The following WDR1 variants were observed in gnomAD, a reference collection of about 807,000 sequenced individuals.
WDR1 encodes WD repeat-containing protein 1.
Under a neutral mutation model 71.9 loss-of-function variants are expected in WDR1, and 21 were observed. The observed-to-expected ratio is 0.29, with a 90% CI of 0.21 to 0.42. The LOEUF (loss-of-function observed/expected upper bound fraction) is 0.42. Ranked by LOEUF, WDR1 falls within the 10% of genes least tolerant of loss-of-function variation. The probability of loss-of-function intolerance (pLI) is 1.00; values close to 1 mark genes in which losing one functional copy is unlikely to be tolerated. For synonymous variants in WDR1, 424 were observed against 347.4 expected (o/e 1.22, Z -2.45); for missense variants, 696 against 824.5 (o/e 0.84, Z 1.91).
rs551295155 is a variant in WDR1 at position 10,077,531 on chromosome 4, C to T, written c.1570-83G>A. 4.5e-5 allele frequency: 71 copies of T among 1,589,340 alleles called. 2 individuals are homozygous for T. In the South Asian group the frequency reaches 7.0e-4, roughly 16 times the overall value. On this transcript the variant is annotated intron_variant, in intron 13 of 14. Transcript: ENST00000499869. ...ATATCACCTCGCTTATCCCTCATGG[C>T]GACAATAAGGACCGAGGTTTCTCAC...
At chr4:10,091,437 C>G (rs190070309) in intron 5 of WDR1, 7 of 152,366 alleles carry the variant, frequency 4.6e-5, no homozygotes, top group South Asian at 2.1e-4. Context: ...CGCTTTACCC[C>G]CCGAGGGGCC....
At chr4:10,103,384 T>G (rs185904164) in intron 3 of WDR1, among the ~76,000 whole-genome samples, 251 of 151,440 alleles carry the variant, frequency 1.7e-3, no homozygotes, top group Non-Finnish European at 2.9e-3. Flanking sequence ...CTGGCCAACC[T>G]CATGGTGGCA....
In WDR1 at chr4:10,087,926, G is replaced by A. The variant is rs202097102; in HGVS notation, c.732C>T (p.Pro244=). The change falls in exon 8 of 15, where the codon CCC becomes CCT. Residue 244 remains proline (P), a synonymous_variant. Coordinates refer to ENST00000499869, the MANE Select transcript of WDR1 (RefSeq NM_017491.5). ...AAGCAGAAAGCAAATGGGTGCTGTC[G>A]GGACTCCAACTAATCTATTCAGAAA... is the stretch of plus-strand genomic sequence containing the variant. ...DGGIYAISWS[P]DSTHLLSASG... 230 of 1,554,466 alleles carry A rather than the reference G, an allele frequency of 1.5e-4. No homozygotes were observed. Among genetic ancestry groups the A allele is most frequent in the East Asian group, 5.8e-4 (24 of 41,346 alleles).
At chr4:10,082,972 G>C (rs771034698) in intron 10 of WDR1, 50 bp downstream of exon 10, 1 of 1,569,256 alleles carries the variant, frequency 6.4e-7, no homozygotes. Flanking sequence ...CAAGCCCTCC[G>C]AGGGGAGCTG....
Position 10,077,919 on chromosome 4 carries a change from T to A in WDR1, c.1403A>T (p.Asn468Ile). The A allele has an allele frequency of 1.2e-6, 2 of 1,605,762 alleles. No homozygotes were observed. The highest frequency in any genetic ancestry group is 2.2e-5 in the East Asian group (1 of 44,584). Residue 468 changes from asparagine to isoleucine, a missense_variant, in exon 13 of 15, where the codon AAC (asparagine) becomes ATC (isoleucine). Coordinates refer to ENST00000499869, the MANE Select transcript of WDR1 (RefSeq NM_017491.5). ...DTVAIGGVDG[N>I]VRLYSILGTT... Reference sequence around the variant, plus strand: ...GCCCAGGATGGAATACAGGCGGACGTTGCCGTCCTACGGCAGGGACAGAGA... The same window carrying A: ...GCCCAGGATGGAATACAGGCGGACGATGCCGTCCTACGGCAGGGACAGAGA...
In WDR1 at chr4:10,075,056, A is replaced by C; in HGVS notation, c.*322T>G. On this transcript the variant is annotated 3_prime_UTR_variant, in exon 15 of 15. Coordinates refer to ENST00000499869, the MANE Select transcript of WDR1 (RefSeq NM_017491.5). ...AGATAGTGAGAGCCGCGGCGGGGCC[A>C]GGGGCTCTGTGTGCTTTGGAGGCTA... 2.4e-6 allele frequency: 1 copy of C among 420,720 alleles called. No individual in the cohort carries two copies. 26.1% of individuals were successfully genotyped at this position (420,720 alleles called of 1,614,324 possible).
chr4:10,099,177 T>TGGGGGG, intron 3 of WDR1, 38 bp from the exon 4 acceptor site: 1 of 374,342 alleles, frequency 2.7e-6, no homozygotes, highest in South Asian at 2.5e-5. Context: ...GGGGAGGCGG[T>TGGGGGG]GGTGGGGTAA....
intron 2 of WDR1, among the ~76,000 whole-genome samples, chr4:10,105,762 C>G (rs1329434239): frequency 6.6e-6 from 1 of 152,192 alleles, no homozygotes; most frequent in Non-Finnish European, 1.5e-5. Context: ...CCAGCAACCC[C>G]ACTCCTAGGT....
chr4:10,081,537 C>CT (rs1263796715), intron 10 of WDR1, 93 bp from the exon 11 acceptor site: 2 of 1,212,358 alleles, frequency 1.6e-6, no homozygotes, highest in Non-Finnish European at 2.4e-6. Flanking sequence ...AGTTTTGCTC[C>CT]TTAGAAGGCA....
chr4:10,088,771 G>A (rs1278079024), intron 5 of WDR1, 30 bp from the exon 6 acceptor site: 6 of 1,534,508 alleles, frequency 3.9e-6, no homozygotes, highest in Admixed American at 3.8e-5. Flanking sequence ...TGCCTGATGA[G>A]GGGCCGCAGG....
chr4:10,087,360 G>C (rs1711653068), intron 8 of WDR1, among the ~76,000 whole-genome samples: 1 of 152,268 alleles, frequency 6.6e-6, no homozygotes, highest in Non-Finnish European at 1.5e-5. Flanking sequence ...GTCGGGTAAA[G>C]CACAGGCTGT....
chr4:10,077,242 A>G, intron 14 of WDR1, 62 bp downstream of exon 14: 2 of 1,601,588 alleles, frequency 1.2e-6, no homozygotes, highest in East Asian at 4.5e-5. Context: ...ACAGCCTGTG[A>G]GGTGGCCCAT....
In WDR1 at chr4:10,116,779, CG is replaced by C; in HGVS notation, c.-114del. ...GGGGACTGGAGCCGGAAGGCGGCAC[CG>C]GGCGTGCCGGGAGTGGAGTGGGCGG... On this transcript the variant is annotated 5_prime_UTR_variant, in exon 1 of 15. Transcript: ENST00000499869. 1 of 1,193,098 alleles carries C rather than the reference CG, an allele frequency of 8.4e-7. No individual in the cohort carries two copies. Among genetic ancestry groups the C allele is most frequent in the Non-Finnish European group, 1.1e-6 (1 of 949,866 alleles). 73.9% of individuals were successfully genotyped at this position (1,193,098 alleles called of 1,614,324 possible). A position where few individuals can be genotyped will look rare whatever the true frequency, so the allele number is the denominator to read the frequency against.
intron 5 of WDR1, chr4:10,092,859 C>G (rs1440567872): frequency 1.0e-5 from 4 of 396,226 alleles, no homozygotes; most frequent in South Asian, 1.9e-5. Context: ...CTGCCCCACC[C>G]CAGCCAACCA....
chr4:10,115,010 T>G (rs78506446), intron 2 of WDR1, among the ~76,000 whole-genome samples: 1 of 152,216 alleles, frequency 6.6e-6, no homozygotes, highest in Middle Eastern at 3.2e-3. Flanking sequence ...CCTCAGCCAG[T>G]TGCTGGCCTC....
chr4:10,115,027 G>A (rs892667769), intron 2 of WDR1, among the ~76,000 whole-genome samples: 1 of 152,230 alleles, frequency 6.6e-6, no homozygotes, highest in Non-Finnish European at 1.5e-5. Context: ...CCTCCTGGAG[G>A]GCAAGTGTGT....
chr4:10,108,651 G>T (rs1231867273), intron 2 of WDR1, among the ~76,000 whole-genome samples: 1 of 152,222 alleles, frequency 6.6e-6, no homozygotes, highest in Non-Finnish European at 1.5e-5. Context: ...ACTGGCCAGG[G>T]CCCTTATGTT....
At chr4:10,090,356 G>T (rs1181056109) in intron 5 of WDR1, among the ~76,000 whole-genome samples, 1 of 152,108 alleles carries the variant, frequency 6.6e-6, no homozygotes, top group East Asian at 1.9e-4. Flanking sequence ...GGTGCCTGGG[G>T]GTCCCAAGGG....
rs3796827 is a variant in WDR1, at chr4:10,090,932, T to C, written c.559-2191A>G. Among the ~76,000 whole-genome samples, 779 of 152,334 alleles carry C rather than the reference T, an allele frequency of 5.1e-3. 21 individuals carry two copies. Among genetic ancestry groups the C allele is most frequent in the East Asian group, 4.8e-3 (25 of 5,182 alleles). On this transcript the variant is annotated intron_variant, in intron 5 of 14. Coordinates refer to ENST00000499869, the MANE Select transcript of WDR1 (RefSeq NM_017491.5). ...ACTGAAGAGCTCGTCCTCTGTAGGT[T>C]GTGGTCACCGCCCAAGAGGACAGGG...
Sources: allele counts gnomAD v4.1 joint callset (sites outside exome capture counted in the v4.1 genomes callset), GRCh38; gene constraint gnomAD v4.1.1; transcripts MANE v1.5; gene names NCBI Gene and HGNC (gene_info 2026-07-23, HGNC 2026-07-21).